Variants in TET1 observed in about 807,000 individuals in gnomAD.
TET1 encodes tet methylcytosine dioxygenase 1, also known as methylcytosine dioxygenase TET1.
Under a neutral mutation model 148.7 loss-of-function variants are expected in TET1, and 13 were observed. That is an observed-to-expected ratio of 0.09 (90% confidence interval 0.06 to 0.14). TET1 has a LOEUF of 0.14. Ranked by LOEUF, TET1 falls within the 10% of genes least tolerant of loss-of-function variation. TET1 has a pLI of 1.00. For synonymous variants in TET1, 907 were observed against 937.2 expected (o/e 0.97, Z 0.59); for missense variants, 2,182 against 2,553.8 (o/e 0.85, Z 3.14).
At chr10:68,649,351 T>TA (rs996305135) in intron 4 of TET1, among the ~76,000 whole-genome samples, 17 of 152,244 alleles carry the variant, frequency 1.1e-4, no homozygotes, top group Middle Eastern at 6.8e-3. Context: ...CTCACGCCTG[T>TA]AATCCCAGCA....
chr10:68,605,066 G>T (rs2054104907), intron 3 of TET1, among the ~76,000 whole-genome samples: 1 of 152,240 alleles, frequency 6.6e-6, no homozygotes, highest in African/African-American at 2.4e-5. Context: ...TAAACTAGGA[G>T]AGTGTCTCCA....
intron 2 of TET1, 119 bp from the exon 3 acceptor site, chr10:68,600,862 T>A: frequency 1.3e-6 from 1 of 773,602 alleles, no homozygotes; most frequent in Non-Finnish European, 2.2e-6. Context: ...CTAGCAAACA[T>A]GTTGATGATT....
intron 3 of TET1, among the ~76,000 whole-genome samples, chr10:68,615,167 G>A (rs1477608985): frequency 2.0e-5 from 3 of 150,078 alleles, no homozygotes; most frequent in African/African-American, 7.4e-5. Context: ...TCCTGACCTC[G>A]TGATCCACCC....
Position 68,691,431 on chromosome 10 carries a change from G to A in TET1, c.6028G>A (p.Ala2010Thr), listed in dbSNP as rs933289259. 3 of 1,613,976 alleles carry A rather than the reference G, an allele frequency of 1.9e-6. No homozygotes were observed. The highest frequency in any genetic ancestry group is 2.5e-6 in the Non-Finnish European group (3 of 1,180,048). The change falls in exon 12 of 12, where the codon GCC becomes ACC. Residue 2010 changes from alanine to threonine, a missense_variant. By Grantham distance (58) the Ala-to-Thr change is moderately conservative (BLOSUM62 0). Transcript: ENST00000373644. The surrounding 1 kb of genome is among the most constrained non-coding windows in gnomAD (Gnocchi z 4.4). ...IFLDANIGGVAIAPAHGSVLI... is the reference protein window; with the variant it reads ...IFLDANIGGVTIAPAHGSVLI... ...TTTGGATGCAAATATTGGTGGGGTG[G>A]CCATCGCACCTGCTCACGGCTCGGT...
At chr10:68,630,831 A>C (rs1227496049) in intron 3 of TET1, among the ~76,000 whole-genome samples, 1 of 152,212 alleles carries the variant, frequency 6.6e-6, no homozygotes, top group Non-Finnish European at 1.5e-5. Flanking sequence ...AGTGAAATAA[A>C]GAGTGGAGAA....
chr10:68,680,501 C>T (rs1235389346), intron 8 of TET1, among the ~76,000 whole-genome samples: 2 of 152,222 alleles, frequency 1.3e-5, no homozygotes, highest in African/African-American at 2.4e-5. Context: ...TACTCCGTCA[C>T]GGCCAGCTAA....
intron 3 of TET1, among the ~76,000 whole-genome samples, chr10:68,633,029 C>G (rs572212829): frequency 2.0e-5 from 3 of 151,760 alleles, no homozygotes; most frequent in African/African-American, 7.2e-5. Context: ...ACTAAAAATA[C>G]AAAAATTAGC....
intron 5 of TET1, 41 bp from the exon 6 acceptor site, chr10:68,652,460 C>T: frequency 7.0e-7 from 1 of 1,431,998 alleles, no homozygotes; most frequent in Non-Finnish European, 9.6e-7. Context: ...GTACAGATTG[C>T]AATTAATTAG....
intron 3 of TET1, among the ~76,000 whole-genome samples, chr10:68,635,461 T>C (rs910704618): frequency 1.3e-5 from 2 of 152,276 alleles, no homozygotes; most frequent in Non-Finnish European, 1.5e-5. Flanking sequence ...TTTATAGGAA[T>C]ACATTGATTC....
Position 68,691,106 on chromosome 10 carries a change from T to C in TET1, c.5703T>C (p.Ile1901=). 1 of 1,614,194 alleles carries C rather than the reference T, an allele frequency of 6.2e-7. No individual in the cohort carries two copies. The highest frequency in any genetic ancestry group is 1.1e-5 in the South Asian group (1 of 91,086). ...ANAAAADGPG[I]SQLGEVAPLP... ...CAGCTGCTGCTGATGGCCCTGGCAT[T>C]TCACAGCTTGGCGAAGTGGCTCCTC... The change falls in exon 12 of 12, where the codon ATT becomes ATC. Residue 1901 remains isoleucine (I), a synonymous_variant. Coordinates refer to ENST00000373644, the MANE Select transcript of TET1 (RefSeq NM_030625.3). This position sits in a 1 kb window ranked among gnomAD's most constrained non-coding sequence, Gnocchi z 4.4.
intron 7 of TET1, among the ~76,000 whole-genome samples, chr10:68,669,595 T>C (rs572607056): frequency 1.8e-4 from 27 of 151,042 alleles, no homozygotes; most frequent in South Asian, 6.3e-4. Context: ...ACCTCGTGAT[T>C]CGCCCACCTC....
At chr10:68,689,609 C>T (rs2055562814) in intron 11 of TET1, among the ~76,000 whole-genome samples, 1 of 151,986 alleles carries the variant, frequency 6.6e-6, no homozygotes, top group African/African-American at 2.4e-5. Flanking sequence ...AACCCCGTCT[C>T]TACTAAAATA....
intron 2 of TET1, among the ~76,000 whole-genome samples, chr10:68,586,596 G>A (rs1372189751): frequency 6.7e-6 from 1 of 148,516 alleles, no homozygotes; most frequent in African/African-American, 2.5e-5. Context: ...GCTTTCCAAA[G>A]TGCTGGTATT....
chr10:68,659,421 C>G (rs1450901607), intron 6 of TET1, among the ~76,000 whole-genome samples: 1 of 152,012 alleles, frequency 6.6e-6, no homozygotes, highest in African/African-American at 2.4e-5. Context: ...CAGGTTCAAG[C>G]CATTCTCCAG....
At chr10:68,581,836 CAAA>C (rs35620494) in intron 2 of TET1, among the ~76,000 whole-genome samples, 1 of 130,040 alleles carries the variant, frequency 7.7e-6, no homozygotes, top group African/African-American at 2.9e-5. Flanking sequence ...GACCGTGTCT[CAAA>C]AAAAAAAAAA....
intron 2 of TET1, among the ~76,000 whole-genome samples, chr10:68,578,820 A>G (rs1392887965): frequency 6.6e-6 from 1 of 152,056 alleles, no homozygotes; most frequent in Non-Finnish European, 1.5e-5. Flanking sequence ...CTGGGATTGT[A>G]GGCATGAGTC....
At chr10:68,565,475 A>T (rs796123053) in intron 1 of TET1, among the ~76,000 whole-genome samples, 1,445 of 129,190 alleles carry the variant, frequency 0.011, 18 homozygotes, top group Middle Eastern at 0.038. Context: ...AAAAAAAAAA[A>T]ATATATATAT....
At chr10:68,687,518 C>T (rs1028212082) in intron 11 of TET1, among the ~76,000 whole-genome samples, 6 of 152,166 alleles carry the variant, frequency 3.9e-5, no homozygotes, top group Non-Finnish European at 7.3e-5. Context: ...ATAAATATTA[C>T]TAAACACCAC....
At position 68,630,725 on chromosome 10, in the gene TET1, A is replaced by G. The variant is rs184373771; in HGVS notation, c.1969-13973A>G. On this transcript the variant is annotated intron_variant, in intron 3 of 11. Coordinates refer to ENST00000373644, the MANE Select transcript of TET1 (RefSeq NM_030625.3). Reference sequence around the variant, plus strand: ...AGGGGAGTTATCAGCAAATAAGTGTAGGTTGATGCCAAGTATGTGGACAAG... The same window carrying G: ...AGGGGAGTTATCAGCAAATAAGTGTGGGTTGATGCCAAGTATGTGGACAAG... 2.2e-4 allele frequency among the ~76,000 whole-genome samples: 33 copies of G among 152,326 alleles called. No individual in the cohort carries two copies. In the East Asian group the frequency reaches 4.4e-3, roughly 20 times the overall value.
Sources: allele counts gnomAD v4.1 joint callset (sites outside exome capture counted in the v4.1 genomes callset), GRCh38; gene constraint gnomAD v4.1.1; non-coding constraint Gnocchi (gnomAD v3.1); transcripts MANE v1.5; gene names NCBI Gene and HGNC (gene_info 2026-07-23, HGNC 2026-07-21).